SORCS1: variants seen among roughly 807,000 people sequenced by gnomAD.
SORCS1 encodes the protein VPS10 domain-containing receptor SorCS1.
Under a neutral mutation model 146.1 loss-of-function variants are expected in SORCS1, and 60 were observed. That is an observed-to-expected ratio of 0.41 (90% CI 0.33 to 0.51). The LOEUF (loss-of-function observed/expected upper bound fraction) is 0.51, where lower values mean the gene tolerates loss of function less well. SORCS1 is among the 20% of genes least tolerant of loss of function. The pLI, the probability that SORCS1 is intolerant of heterozygous loss-of-function variation, is 0.21. For missense variants in SORCS1, 1,352 were observed against 1,487.6 expected (o/e 0.91, Z 1.50); for synonymous variants, 637 against 584.0 (o/e 1.09, Z -1.31).
intron 2 of SORCS1, among the ~76,000 whole-genome samples, chr10:106,836,823 T>C (rs1948811707): frequency 6.6e-6 from 1 of 152,194 alleles, no homozygotes; most frequent in Non-Finnish European, 1.5e-5. Context: ...GCCTGACTCC[T>C]GTGAAGGCTG....
intron 1 of SORCS1, among the ~76,000 whole-genome samples, chr10:107,088,540 C>A (rs1229734247): frequency 1.3e-5 from 2 of 152,122 alleles, no homozygotes; most frequent in African/African-American, 4.8e-5. Context: ...CAAATGGATA[C>A]GGCAGGCCAA....
chr10:106,938,418 TGACTTAGTTCCCAA>T (rs1328090198), intron 2 of SORCS1, among the ~76,000 whole-genome samples: 2 of 152,210 alleles, frequency 1.3e-5, no homozygotes, highest in African/African-American at 4.8e-5. Context: ...GGAACATGGA[TGACTTAGTTCCCAA>T]GAGCAGAAGT....
At chr10:107,153,773 T>TTTCA (rs1252283334) in intron 1 of SORCS1, among the ~76,000 whole-genome samples, 1 of 152,210 alleles carries the variant, frequency 6.6e-6, no homozygotes, top group African/African-American at 2.4e-5. Flanking sequence ...TTTATTTTCA[T>TTTCA]TTTAAAATAA....
At chr10:106,970,392 G>A (rs1240764319) in intron 1 of SORCS1, among the ~76,000 whole-genome samples, 1 of 130,234 alleles carries the variant, frequency 7.7e-6, no homozygotes, top group African/African-American at 3.0e-5. Flanking sequence ...AGGCTGGAGT[G>A]CAGTGGCGTG....
At chr10:107,069,052 T>C (rs1389323252) in intron 1 of SORCS1, among the ~76,000 whole-genome samples, 2 of 152,156 alleles carry the variant, frequency 1.3e-5, no homozygotes, top group Non-Finnish European at 2.9e-5. Context: ...CAGCTGGTTA[T>C]TTCATCCACC....
intron 1 of SORCS1, among the ~76,000 whole-genome samples, chr10:106,983,031 G>T (rs1298783509): frequency 9.9e-5 from 15 of 151,050 alleles, no homozygotes; most frequent in Non-Finnish European, 1.5e-4. Context: ...TAAAAAAAAA[G>T]ACATGCAAAT....
intron 3 of SORCS1, among the ~76,000 whole-genome samples, chr10:106,810,006 C>T (rs1410993443): frequency 2.0e-5 from 3 of 152,104 alleles, no homozygotes; most frequent in South Asian, 2.1e-4. Flanking sequence ...GGATCACCTG[C>T]GGTCAGGGGT....
chr10:107,176,802 A>G, the SORCS1 span, among the ~76,000 whole-genome samples: 1 of 152,164 alleles, frequency 6.6e-6, no homozygotes, highest in Non-Finnish European at 1.5e-5. Context: ...ATTAATGTGT[A>G]TTCTGTAATA....
chr10:106,825,390 G>A (rs1294820365), intron 3 of SORCS1, among the ~76,000 whole-genome samples: 1 of 150,208 alleles, frequency 6.7e-6, no homozygotes, highest in East Asian at 2.0e-4. Flanking sequence ...TCCTGCCTCA[G>A]CCTCCTGAGT....
intron 14 of SORCS1, among the ~76,000 whole-genome samples, chr10:106,674,130 C>T (rs539561156): frequency 9.3e-4 from 130 of 140,102 alleles, no homozygotes; most frequent in Non-Finnish European, 1.6e-3. Context: ...TCCTGGCTAA[C>T]GTGGTGAAAC....
Position 107,004,617 on chromosome 10 carries a change from T to G in SORCS1, c.559-48037A>C, listed in dbSNP as rs183948812. Reference sequence around the variant, plus strand: ...CCCACCTTTGACTTGTGGGGATTATTACAATTCAAGGTGAGATTTGGGTGG... The same window carrying G: ...CCCACCTTTGACTTGTGGGGATTATGACAATTCAAGGTGAGATTTGGGTGG... On this transcript the variant is annotated intron_variant, in intron 1 of 25. Transcript: ENST00000263054. Among the ~76,000 whole-genome samples, 16 of 152,202 alleles carry G rather than the reference T, an allele frequency of 1.1e-4. No individual in the cohort carries two copies. The East Asian group carries it at 2.9e-3, about 28-fold the overall frequency.
intron 1 of SORCS1, among the ~76,000 whole-genome samples, chr10:107,083,989 C>A (rs79137781): frequency 1.7e-3 from 253 of 151,822 alleles, no homozygotes; most frequent in African/African-American, 5.9e-3. Context: ...CTACCTAACA[C>A]AACTTTCTCA....
chr10:106,878,649 T>TATATATATATATTTA (rs1491300730), intron 2 of SORCS1, among the ~76,000 whole-genome samples: 4 of 137,870 alleles, frequency 2.9e-5, no homozygotes, highest in Non-Finnish European at 6.2e-5. Flanking sequence ...TATATATATA[T>TATATATATATATTTA]TTTATAGCAG....
intron 9 of SORCS1, among the ~76,000 whole-genome samples, chr10:106,690,253 C>T (rs1272104481): frequency 1.3e-5 from 2 of 152,204 alleles, no homozygotes; most frequent in Admixed American, 6.5e-5. Flanking sequence ...GAATAAACTG[C>T]CAGTTCTTTA....
chr10:106,825,552 G>A (rs1392705015), intron 3 of SORCS1, among the ~76,000 whole-genome samples: 3 of 151,872 alleles, frequency 2.0e-5, no homozygotes, highest in Non-Finnish European at 4.4e-5. Context: ...GATTACAGGC[G>A]TGAGCCACTG....
intron 2 of SORCS1, among the ~76,000 whole-genome samples, chr10:106,853,095 G>A (rs956588348): frequency 6.6e-6 from 1 of 151,700 alleles, no homozygotes; most frequent in African/African-American, 2.4e-5. Context: ...TGAACTGACT[G>A]TGCCTGGTGC....
intron 1 of SORCS1, among the ~76,000 whole-genome samples, chr10:107,112,456 A>C (rs1490267021): frequency 6.6e-6 from 1 of 152,126 alleles, no homozygotes; most frequent in Non-Finnish European, 1.5e-5. Context: ...ATCACAAAGG[A>C]AAACAGCAAG....
At chr10:106,974,129 T>C (rs564903280) in intron 1 of SORCS1, among the ~76,000 whole-genome samples, 1 of 152,352 alleles carries the variant, frequency 6.6e-6, no homozygotes, top group Admixed American at 6.5e-5. Flanking sequence ...TCATAGCTAC[T>C]GTTATTTATT....
intron 7 of SORCS1, among the ~76,000 whole-genome samples, chr10:106,707,340 C>T (rs1243449925): frequency 6.6e-6 from 1 of 151,852 alleles, no homozygotes; most frequent in African/African-American, 2.4e-5. Context: ...AAGCCCTTGC[C>T]ACCACACCTG....
Sources: gnomAD v4.1 joint callset for allele counts (sites outside exome capture counted in the v4.1 genomes callset) on GRCh38, gnomAD v4.1.1 for gene constraint, MANE v1.5 for transcripts, NCBI Gene and HGNC (gene_info 2026-07-23, HGNC 2026-07-21) for gene names.